Variants in SPIB observed in about 807,000 individuals in gnomAD.
The protein encoded by SPIB is transcription factor Spi-B.
Under a neutral mutation model 31.9 loss-of-function variants are expected in SPIB, and 7 were observed. That is an observed-to-expected ratio of 0.22 (90% confidence interval 0.12 to 0.41). SPIB has a LOEUF of 0.41. SPIB is among the 10% of genes least tolerant of loss of function. SPIB has a pLI of 1.00. For missense variants in SPIB, 327 were observed against 360.2 expected (o/e 0.91, Z 0.75); for synonymous variants, 176 against 158.9 (o/e 1.11, Z -0.81).
chr19:50,428,379 A>G lies in SPIB; in HGVS notation c.*43A>G. 6.7e-7 allele frequency: 1 copy of G among 1,496,292 alleles called. No homozygotes were observed. Among genetic ancestry groups the G allele is most frequent in the Non-Finnish European group, 8.9e-7 (1 of 1,120,274 alleles). The allele number at this position is 1,496,292 out of a possible 1,614,324, so 92.7% of individuals were successfully genotyped here. A position where few individuals can be genotyped will look rare whatever the true frequency, so the allele number is the denominator to read the frequency against. On this transcript the variant is annotated 3_prime_UTR_variant, in exon 6 of 6. Coordinates refer to ENST00000595883, the MANE Select transcript of SPIB (RefSeq NM_003121.5). The surrounding 1 kb of genome is among the most constrained non-coding windows in gnomAD (Gnocchi z 6.5). ...ACCTGCGGAGCCGCTGGGGGACCTC[A>G]CGTCCCAGCCAGGATCCCCCTGGAA...
Position 50,423,040 on chromosome 19 carries a change from G to A in SPIB, c.339+3G>A, listed in dbSNP as rs1197834932. On this transcript the variant is annotated splice_donor_region_variant and intron_variant, in intron 4 of 5. Coordinates refer to ENST00000595883, the MANE Select transcript of SPIB (RefSeq NM_003121.5). ...CCACGGAGAACTTCGCTAGCCAGGT[G>A]AGTGGTAAGGGGACAGTTAAAATCA... 1.5e-6 allele frequency: 2 copies of A among 1,352,858 alleles called. No homozygotes were observed. The highest frequency in any genetic ancestry group is 2.0e-6 in the Non-Finnish European group (2 of 985,290). The allele number at this position is 1,352,858 out of a possible 1,614,324, so 83.8% of individuals were successfully genotyped here.
chr19:50,423,545 G>A, intron 4 of SPIB, 60 bp from the exon 5 acceptor site: 2 of 1,583,842 alleles, frequency 1.3e-6, no homozygotes, highest in Non-Finnish European at 8.6e-7. Flanking sequence ...TGGCCTGAGA[G>A]GAGGAAGTGG....
rs2122544659 is a variant in SPIB, at chr19:50,422,128, G to C, written c.52-345G>C. Among the ~76,000 whole-genome samples, 2 of 152,302 alleles carry C rather than the reference G, an allele frequency of 1.3e-5. 1 individual carries two copies. Among genetic ancestry groups the C allele is most frequent in the South Asian group, 4.1e-4 (2 of 4,822 alleles). On this transcript the variant is annotated intron_variant, in intron 2 of 5. Transcript: ENST00000595883. ...CATTTCCCCTTGCCCTTCACCTCCGGAGCCCCCAGGCAGGCAAGGCTGGGG... is the reference window on the plus strand; with the variant it reads ...CATTTCCCCTTGCCCTTCACCTCCGCAGCCCCCAGGCAGGCAAGGCTGGGG...
intron 1 of SPIB, among the ~76,000 whole-genome samples, chr19:50,419,373 GTC>G (rs2039456406): frequency 6.6e-6 from 1 of 152,024 alleles, no homozygotes; most frequent in Admixed American, 6.6e-5. Flanking sequence ...CTGTCTCTGT[GTC>G]TCTGTCTCCA....
intron 5 of SPIB, among the ~76,000 whole-genome samples, 187 bp from the exon 6 acceptor site, chr19:50,427,851 G>C (rs1161713843): frequency 1.5e-5 from 2 of 135,152 alleles, no homozygotes; most frequent in Non-Finnish European, 3.2e-5. Context: ...GGCAGGGGGA[G>C]TGGCTTGCCC....
In SPIB at chr19:50,428,081, A is replaced by G. The variant is rs1371276716; in HGVS notation, c.534A>G (p.Leu178=). Reference sequence around the variant, plus strand: ...GCCTGTACCAGTTCCTGCTGGGGCTACTGACGCGCGGGGACATGCGTGAGT... The same window carrying G: ...GCCTGTACCAGTTCCTGCTGGGGCTGCTGACGCGCGGGGACATGCGTGAGT... ...KLRLYQFLLG[L]LTRGDMRECV... Residue 178 remains leucine, a synonymous_variant, in exon 6 of 6, where the codon CTA becomes CTG. Coordinates refer to ENST00000595883, the MANE Select transcript of SPIB (RefSeq NM_003121.5). This position sits in a 1 kb window ranked among gnomAD's most constrained non-coding sequence, Gnocchi z 6.5. 1.3e-6 allele frequency: 2 copies of G among 1,577,130 alleles called. No homozygotes were observed. The highest frequency in any genetic ancestry group is 1.8e-5 in the Admixed American group (1 of 54,538).
In SPIB at chr19:50,423,585, G is replaced by T; in HGVS notation, c.340-20G>T. 2 of 1,608,996 alleles carry T rather than the reference G, an allele frequency of 1.2e-6. No homozygotes were observed. Among genetic ancestry groups the T allele is most frequent in the Non-Finnish European group, 1.7e-6 (2 of 1,176,622 alleles). On this transcript the variant is annotated intron_variant, in intron 4 of 5. Transcript: ENST00000595883. ...AGACAAGGGGTCCCTGGACATGCAG[G>T]TGACCCTGACCTTCCGCAGACCCTG...
chr19:50,422,794 C>A (rs1377564447), intron 3 of SPIB, 29 bp from the exon 4 acceptor site: 4 of 1,444,258 alleles, frequency 2.8e-6, no homozygotes, highest in Non-Finnish European at 2.8e-6. Context: ...TGAGACATCC[C>A]AGCTTCTGAC....
At position 50,419,889 on chromosome 19, in the gene SPIB, T is replaced by A. The variant is rs939202723; in HGVS notation, c.24-57T>A. On this transcript the variant is annotated intron_variant, in intron 1 of 5. Transcript: ENST00000595883. The stretch of plus-strand genomic sequence containing the variant: ...CCTCCCCATCAGCCCCCAACCACTT[T>A]GAGATTCAGGTGGCTGGAGGCAGCC... 7 of 1,488,578 alleles carry A rather than the reference T, an allele frequency of 4.7e-6. No homozygotes were observed. The African/African-American group carries it at 1.0e-4, about 21-fold the overall frequency. The allele number at this position is 1,488,578 out of a possible 1,614,324, so 92.2% of individuals were successfully genotyped here.
rs2039633590 is a variant in SPIB, at chr19:50,430,908, TAAG to T, written c.*2574_*2576del. 6.6e-6 allele frequency: 1 copy of T among 152,144 alleles called. No homozygotes were observed. The highest frequency in any genetic ancestry group is 1.9e-4 in the East Asian group (1 of 5,196). The allele number at this position is 152,144 out of a possible 1,614,324, so 9.4% of individuals were successfully genotyped here. ...CAGAGCCCAGGCTGGGACCTGCCCT[TAAG>T]AGAATGAGTGGGAAGGGGGAGGGAG... is the stretch of plus-strand genomic sequence containing the variant. On this transcript the variant is annotated 3_prime_UTR_variant, in exon 6 of 6. Transcript: ENST00000595883.
chr19:50,427,448 C>T (rs998669502), intron 5 of SPIB, among the ~76,000 whole-genome samples: 11 of 152,212 alleles, frequency 7.2e-5, no homozygotes, highest in African/African-American at 2.2e-4. Flanking sequence ...TTGCTCGAAC[C>T]CAGGAGGCAG....
At chr19:50,422,079 T>TGCC (rs2039502551) in intron 2 of SPIB, among the ~76,000 whole-genome samples, 2 of 152,180 alleles carry the variant, frequency 1.3e-5, no homozygotes, top group South Asian at 4.1e-4. Context: ...CATTGACCCC[T>TGCC]GCCTCTGTTA....
In SPIB at chr19:50,428,824, T is replaced by C. The variant is rs184441263; in HGVS notation, c.*488T>C. The C allele has an allele frequency of 3.3e-3, 524 of 158,988 alleles. 3 individuals are homozygous for C. The highest frequency in any genetic ancestry group is 0.012 in the African/African-American group (495 of 41,804). 9.8% of individuals were successfully genotyped at this position (158,988 alleles called of 1,614,324 possible). A position where few individuals can be genotyped will look rare whatever the true frequency, so the allele number is the denominator to read the frequency against. ...TGTCAGATCTGAGATTTCCTAGTTATGTCTGGGGCCCTCTGGGAGCTGTTA... is the reference window on the plus strand; with the variant it reads ...TGTCAGATCTGAGATTTCCTAGTTACGTCTGGGGCCCTCTGGGAGCTGTTA... On this transcript the variant is annotated 3_prime_UTR_variant, in exon 6 of 6. Coordinates refer to ENST00000595883, the MANE Select transcript of SPIB (RefSeq NM_003121.5). This position sits in a 1 kb window ranked among gnomAD's most constrained non-coding sequence, Gnocchi z 6.5.
Position 50,422,963 on chromosome 19 carries a change from C to T in SPIB, c.265C>T (p.Leu89Phe), listed in dbSNP as rs759524275. 6.3e-7 allele frequency: 1 copy of T among 1,585,906 alleles called. No individual in the cohort carries two copies. The highest frequency in any genetic ancestry group is 8.6e-7 in the Non-Finnish European group (1 of 1,163,924). The change falls in exon 4 of 6, where the codon CTC becomes TTC. Residue 89 changes from leucine to phenylalanine, a missense_variant. Leu to Phe is a conservative substitution (Grantham distance 22, BLOSUM62 0). This residue lies in a region of SPIB where 238 missense variants were observed against 228.8 expected (regional missense o/e 1.04). Coordinates refer to ENST00000595883, the MANE Select transcript of SPIB (RefSeq NM_003121.5). ...EPPTYSPAGN[L>F]ELAPSLEAPG... is the part of the protein sequence containing the mutation. ...CCCCACCTACAGCCCTGCAGGGAACCTCGAACTGGCCCCCAGCCTGGAGGC... is the reference window on the plus strand; with the variant it reads ...CCCCACCTACAGCCCTGCAGGGAACTTCGAACTGGCCCCCAGCCTGGAGGC...
rs540330170 is a variant in SPIB, at chr19:50,428,718, C to T, written c.*382C>T. 8 of 219,132 alleles carry T rather than the reference C, an allele frequency of 3.7e-5. No individual in the cohort carries two copies. The highest frequency in any genetic ancestry group is 1.1e-4 in the African/African-American group (5 of 44,082). The allele number at this position is 219,132 out of a possible 1,614,324, so 13.6% of individuals were successfully genotyped here. On this transcript the variant is annotated 3_prime_UTR_variant, in exon 6 of 6. Coordinates refer to ENST00000595883, the MANE Select transcript of SPIB (RefSeq NM_003121.5). The surrounding 1 kb of genome is among the most constrained non-coding windows in gnomAD (Gnocchi z 6.5). ...GTGAGGCCTGGGACGTTTTTAAGAT[C>T]GCTGTGTGTCTGTAAACCCTGAATC...
At chr19:50,419,668 C>T (rs1221319165) in intron 1 of SPIB, among the ~76,000 whole-genome samples, 1 of 152,220 alleles carries the variant, frequency 6.6e-6, no homozygotes, top group African/African-American at 2.4e-5. Flanking sequence ...CCCCACACCT[C>T]CTTTCCGGGA....
intron 2 of SPIB, among the ~76,000 whole-genome samples, chr19:50,420,775 G>A (rs2039485198): frequency 6.6e-6 from 1 of 152,140 alleles, no homozygotes; most frequent in African/African-American, 2.4e-5. Flanking sequence ...TTACAGGCAT[G>A]TGCCACCATG....
intron 2 of SPIB, among the ~76,000 whole-genome samples, chr19:50,420,364 CCT>C (rs756219601): frequency 2.6e-5 from 4 of 152,122 alleles, no homozygotes; most frequent in Non-Finnish European, 1.5e-5. Flanking sequence ...AAAGAAAGCC[CCT>C]GTTTATGCCC....
At chr19:50,423,091 C>A (rs570741491) in intron 4 of SPIB, 54 bp downstream of exon 4, 1 of 876,456 alleles carries the variant, frequency 1.1e-6, no homozygotes, top group Non-Finnish European at 1.8e-6. Context: ...TGGTGGTGCA[C>A]GCCTGTAATC....
Sources: allele counts gnomAD v4.1 joint callset (sites outside exome capture counted in the v4.1 genomes callset), GRCh38; gene constraint gnomAD v4.1.1; regional missense constraint gnomAD v4.1.1; non-coding constraint Gnocchi (gnomAD v3.1); transcripts MANE v1.5; gene names NCBI Gene and HGNC (gene_info 2026-07-23, HGNC 2026-07-21).